TBXAS1: variants seen among roughly 807,000 people sequenced by gnomAD.
TBXAS1 encodes the protein thromboxane A synthase 1.
TBXAS1 carries 48 observed loss-of-function variants against 60.7 expected under a neutral mutation model. The ratio of observed to expected loss-of-function variants is 0.79; its 90% CI spans 0.63 to 1.01. The LOEUF (loss-of-function observed/expected upper bound fraction) is 1.01. Ranked by LOEUF, TBXAS1 falls within the 50% of genes least tolerant of loss-of-function variation. The pLI is 0.00. For synonymous variants in TBXAS1, 287 were observed against 269.7 expected (o/e 1.06, Z -0.63); for missense variants, 685 against 686.3 (o/e 1.00, Z 0.02).
chr7:139,835,159 C>A (rs192253130), intron 1 of TBXAS1, among the ~76,000 whole-genome samples: 14,226 of 151,466 alleles, frequency 0.094, 773 homozygotes, highest in Non-Finnish European at 0.13. Context: ...CTCTGCCTCC[C>A]GGGTTCATGC....
chr7:139,890,897 T>C (rs1022698376), intron 3 of TBXAS1, among the ~76,000 whole-genome samples: 5 of 151,646 alleles, frequency 3.3e-5, no homozygotes, highest in Admixed American at 2.0e-4. Flanking sequence ...GTGTTTAATG[T>C]GTTTTTTTTT....
rs55856189 is a variant in TBXAS1, at chr7:139,957,679, A to G, written c.734A>G (p.Asn245Ser). 4.8e-4 allele frequency: 773 copies of G among 1,614,046 alleles called. No individual in the cohort carries two copies. The highest frequency in any genetic ancestry group is 6.0e-4 in the Non-Finnish European group (703 of 1,180,038). The change falls in exon 8 of 13, where the codon AAT (asparagine) becomes AGT (serine). Residue 245 changes from asparagine to serine, a missense_variant. Physicochemically the swap from Asn to Ser is conservative, Grantham distance 46. Coordinates refer to ENST00000448866, the MANE Select transcript of TBXAS1 (RefSeq NM_001061.7). ...IMVPLARILP[N>S]KNRDELNGFF... ...GTCCCACTGGCCCGGATTTTGCCCAATAAGAACCGAGACGAACTGAATGGC... is the reference window on the plus strand; with the variant it reads ...GTCCCACTGGCCCGGATTTTGCCCAGTAAGAACCGAGACGAACTGAATGGC...
intron 1 of TBXAS1, among the ~76,000 whole-genome samples, chr7:139,838,894 A>C (rs1369895418): frequency 6.6e-6 from 1 of 152,220 alleles, no homozygotes; most frequent in Non-Finnish European, 1.5e-5. Flanking sequence ...GCACATGCTA[A>C]GACGATTAAC....
chr7:139,819,905 G>A lies in TBXAS1; in HGVS notation c.-79-9407G>A, dbSNP rs189794284. On this transcript the variant is annotated intron_variant, in intron 4 of 16. Transcript: ENST00000336425. ...TGGAGGCATCTGCTGCCAGAACTTC[G>A]AATTATCTTCTGCTTGAGAGTTTCT... 4.0e-5 allele frequency among the ~76,000 whole-genome samples: 6 copies of A among 151,864 alleles called. No individual in the cohort carries two copies. The East Asian group carries it at 7.8e-4, about 20-fold the overall frequency.
chr7:139,940,664 C>A (rs1441186085), intron 5 of TBXAS1, among the ~76,000 whole-genome samples: 6 of 152,142 alleles, frequency 3.9e-5, no homozygotes, highest in African/African-American at 1.4e-4. Flanking sequence ...GAACTATCAC[C>A]AGCTAACATT....
At chr7:139,804,733 A>T (rs543750511) in intron 4 of TBXAS1, among the ~76,000 whole-genome samples, 2 of 152,140 alleles carry the variant, frequency 1.3e-5, no homozygotes, top group Non-Finnish European at 2.9e-5. Flanking sequence ...GTTCCCCTAC[A>T]TATACTCACT....
intron 3 of TBXAS1, among the ~76,000 whole-genome samples, chr7:139,898,698 C>T (rs1228102930): frequency 1.3e-5 from 2 of 152,176 alleles, no homozygotes; most frequent in African/African-American, 4.8e-5. Flanking sequence ...GGCACTTCCT[C>T]GCTCAGCTTC....
Position 139,901,098 on chromosome 7 carries a change from G to A in TBXAS1, c.237-10127G>A, listed in dbSNP as rs946152287. On this transcript the variant is annotated intron_variant, in intron 3 of 12. Transcript: ENST00000448866. ...GTGAGCCATCCCAGACACCCAAAAC[G>A]AAAGCTATGTGTGCCTAGGACACAC... 6.6e-5 allele frequency among the ~76,000 whole-genome samples: 10 copies of A among 152,300 alleles called. No individual in the cohort carries two copies. The East Asian group carries it at 1.2e-3, about 18-fold the overall frequency.
chr7:139,853,378 G>A (rs959315121), intron 1 of TBXAS1, among the ~76,000 whole-genome samples: 5 of 152,214 alleles, frequency 3.3e-5, no homozygotes, highest in Non-Finnish European at 1.5e-5. Context: ...GGTGAGCACA[G>A]ACTCCAGAGC....
intron 3 of TBXAS1, among the ~76,000 whole-genome samples, chr7:139,895,060 A>C (rs1362730370): frequency 6.6e-6 from 1 of 152,238 alleles, no homozygotes; most frequent in African/African-American, 2.4e-5. Flanking sequence ...GAAACCCAGA[A>C]AGAACAGGAA....
intron 4 of TBXAS1, among the ~76,000 whole-genome samples, chr7:139,823,077 C>T (rs1256900857): frequency 2.6e-5 from 4 of 151,656 alleles, no homozygotes; most frequent in African/African-American, 9.7e-5. Flanking sequence ...ATGCTCCCTC[C>T]GACAAGCACA....
intron 3 of TBXAS1, among the ~76,000 whole-genome samples, chr7:139,785,018 A>G (rs1797142349): frequency 6.6e-6 from 1 of 152,120 alleles, no homozygotes; most frequent in Non-Finnish European, 1.5e-5. Context: ...CAGAACCCCA[A>G]ACCCACTGAC....
At chr7:139,923,161 A>AATATATATATATAT (rs147721420) in intron 4 of TBXAS1, among the ~76,000 whole-genome samples, 1 of 150,250 alleles carries the variant, frequency 6.7e-6, no homozygotes, top group South Asian at 2.1e-4. Context: ...CTACTAAACA[A>AATATATATATATAT]ATATATATAT....
At chr7:139,819,964 C>T (rs552747927) in intron 4 of TBXAS1, among the ~76,000 whole-genome samples, 2 of 151,970 alleles carry the variant, frequency 1.3e-5, no homozygotes, top group African/African-American at 4.8e-5. Context: ...ACAGTGCCCC[C>T]TTTGCTCTGT....
At chr7:140,006,564 T>C (rs1477312221) in intron 9 of TBXAS1, among the ~76,000 whole-genome samples, 1 of 152,262 alleles carries the variant, frequency 6.6e-6, no homozygotes, top group Non-Finnish European at 1.5e-5. Context: ...CTTTTCCTAC[T>C]GACTGATAGT....
intron 3 of TBXAS1, among the ~76,000 whole-genome samples, chr7:139,785,052 C>T (rs1797143732): frequency 6.6e-6 from 1 of 152,164 alleles, no homozygotes; most frequent in South Asian, 2.1e-4. Context: ...GGGGTGGCAC[C>T]TGGAAATCTG....
Position 139,916,435 on chromosome 7 carries a change from G to A in TBXAS1, c.333+5114G>A, listed in dbSNP as rs1289117702. On this transcript the variant is annotated intron_variant, in intron 4 of 12. Coordinates refer to ENST00000448866, the MANE Select transcript of TBXAS1 (RefSeq NM_001061.7). This position sits in a 1 kb window ranked among gnomAD's most constrained non-coding sequence, Gnocchi z 4.2. ...CTCAGGTCCTCATGAGCAACACAGA[G>A]GTCACCTCTCCAGGCACAGGTCGAG... Among the ~76,000 whole-genome samples the A allele has an allele frequency of 3.9e-5, 6 of 152,140 alleles. No individual in the cohort carries two copies. Among genetic ancestry groups the A allele is most frequent in the African/African-American group, 1.4e-4 (6 of 41,416 alleles).
chr7:139,939,585 C>T (rs180945457), intron 5 of TBXAS1, among the ~76,000 whole-genome samples: 1 of 151,776 alleles, frequency 6.6e-6, no homozygotes, highest in African/African-American at 2.4e-5. Context: ...GGATTTTAGA[C>T]CTGGCGAGTT....
intron 4 of TBXAS1, among the ~76,000 whole-genome samples, chr7:139,812,306 G>A (rs1320564748): frequency 1.3e-5 from 2 of 152,210 alleles, no homozygotes; most frequent in Non-Finnish European, 2.9e-5. Flanking sequence ...ACCCCACAAT[G>A]TTGGGGTGAA....
Sources: gnomAD v4.1 joint callset for allele counts (sites outside exome capture counted in the v4.1 genomes callset) on GRCh38, gnomAD v4.1.1 for gene constraint, Gnocchi (gnomAD v3.1) non-coding constraint, MANE v1.5 for transcripts, NCBI Gene and HGNC (gene_info 2026-07-23, HGNC 2026-07-21) for gene names.